Variants in UBE3B observed in about 807,000 individuals in gnomAD.
The protein encoded by UBE3B is ubiquitin protein ligase E3B.
A neutral mutation model predicts 132.3 loss-of-function variants in UBE3B; 80 were observed. That is an observed-to-expected ratio of 0.60 (90% CI 0.50 to 0.73). UBE3B has a LOEUF of 0.73. Among genes scored for constraint, UBE3B ranks in the 30% least tolerant of loss-of-function variants. The pLI is 0.00. For missense variants in UBE3B, 1,196 were observed against 1,362.5 expected (o/e 0.88, Z 1.92); for synonymous variants, 487 against 520.4 (o/e 0.94, Z 0.87).
At chr12:109,533,688 G>A (rs1326424109) in intron 27 of UBE3B, 130 bp downstream of exon 27, 1 of 966,186 alleles carries the variant, frequency 1.0e-6, no homozygotes, top group Non-Finnish European at 1.6e-6. Context: ...TCAGAGCCAA[G>A]TGAGGAGGGC....
At chr12:109,515,855 T>A (rs1370836470) in intron 18 of UBE3B, among the ~76,000 whole-genome samples, 1 of 152,038 alleles carries the variant, frequency 6.6e-6, no homozygotes, top group Non-Finnish European at 1.5e-5. Flanking sequence ...TTTAGCAGAA[T>A]CTTAAGAATA....
downstream of UBE3B, among the ~76,000 whole-genome samples, chr12:109,541,120 A>G (rs779041350): frequency 6.6e-6 from 1 of 152,236 alleles, no homozygotes; most frequent in African/African-American, 2.4e-5. Context: ...ACCATGTTCC[A>G]GCGTGGTCCA....
chr12:109,482,072 C>A (rs1875552779), intron 2 of UBE3B, among the ~76,000 whole-genome samples: 1 of 152,010 alleles, frequency 6.6e-6, no homozygotes, highest in South Asian at 2.1e-4. Flanking sequence ...ATTTTATTGT[C>A]CTTATTAATA....
At chr12:109,484,998 C>G (rs936096828) in intron 4 of UBE3B, among the ~76,000 whole-genome samples, 1 of 152,080 alleles carries the variant, frequency 6.6e-6, no homozygotes, top group Non-Finnish European at 1.5e-5. Flanking sequence ...CTCAAGTGAT[C>G]CACCTGCCTC....
At chr12:109,520,826 C>T in intron 19 of UBE3B, 1 of 220,218 alleles carries the variant, frequency 4.5e-6, no homozygotes, top group Non-Finnish European at 8.9e-6. Flanking sequence ...TGTATCTTGT[C>T]CCGGTTTCTT....
intron 6 of UBE3B, among the ~76,000 whole-genome samples, chr12:109,486,922 G>A (rs576713034): frequency 5.3e-5 from 8 of 152,256 alleles, no homozygotes; most frequent in Admixed American, 2.6e-4. Flanking sequence ...CTAGTATCAC[G>A]TACCAGTTAA....
intron 18 of UBE3B, among the ~76,000 whole-genome samples, chr12:109,512,497 T>C (rs1251967060): frequency 6.6e-6 from 1 of 152,188 alleles, no homozygotes; most frequent in Non-Finnish European, 1.5e-5. Flanking sequence ...AAATGTCCGA[T>C]GCTGCGACAA....
At chr12:109,484,913 T>A (rs926320601) in intron 4 of UBE3B, among the ~76,000 whole-genome samples, 5 of 152,080 alleles carry the variant, frequency 3.3e-5, no homozygotes, top group Admixed American at 2.0e-4. Context: ...TGTGCCACCA[T>A]GCACAGCAAG....
At chr12:109,526,285 C>T (rs554938099) in intron 23 of UBE3B, 73 bp from the exon 24 acceptor site, 4 of 1,407,914 alleles carry the variant, frequency 2.8e-6, no homozygotes, top group Admixed American at 1.7e-5. Context: ...TTGTGCTGGG[C>T]CCTCTCATCT....
At chr12:109,507,521 G>T (rs1011154490) in intron 14 of UBE3B, 43 bp from the exon 15 acceptor site, 1 of 1,587,246 alleles carries the variant, frequency 6.3e-7, no homozygotes, top group African/African-American at 1.4e-5. Context: ...CAGACCAGGT[G>T]GAGTCTCCAC....
intron 19 of UBE3B, chr12:109,520,591 C>T (rs549604804): frequency 1.3e-5 from 2 of 152,604 alleles, no homozygotes; most frequent in African/African-American, 4.8e-5. Flanking sequence ...AGCCCTGTTA[C>T]TCTTTGCCTA....
At chr12:109,486,188 G>A (rs1162808977) in intron 5 of UBE3B, 117 bp downstream of exon 5, 1 of 1,094,038 alleles carries the variant, frequency 9.1e-7, no homozygotes, top group Admixed American at 2.6e-5. Context: ...ATAAGTAGTG[G>A]ATGGAAAACA....
chr12:109,518,832 T>G (rs1268075459), intron 19 of UBE3B, among the ~76,000 whole-genome samples: 1 of 152,204 alleles, frequency 6.6e-6, no homozygotes, highest in Non-Finnish European at 1.5e-5. Flanking sequence ...CTCTTTACTT[T>G]CCACTGGAGA....
At chr12:109,531,365 C>T (rs966993855) in intron 26 of UBE3B, among the ~76,000 whole-genome samples, 2 of 152,178 alleles carry the variant, frequency 1.3e-5, no homozygotes, top group African/African-American at 2.4e-5. Flanking sequence ...ATGGCACACA[C>T]GCTTCTCTGT....
chr12:109,540,294 G>T (rs190520635), downstream of UBE3B, among the ~76,000 whole-genome samples: 101 of 152,200 alleles, frequency 6.6e-4, 1 homozygote, highest in East Asian at 0.019. Context: ...TACAACCTCC[G>T]CCTCCGAGGC....
chr12:109,490,979 C>A, intron 8 of UBE3B, 66 bp from the exon 9 acceptor site: 1 of 1,533,858 alleles, frequency 6.5e-7, no homozygotes, highest in Non-Finnish European at 8.9e-7. Flanking sequence ...TACTTTTTTG[C>A]TCTTTTATGT....
chr12:109,512,512 C>G (rs1239627749), intron 18 of UBE3B, among the ~76,000 whole-genome samples: 2 of 152,210 alleles, frequency 1.3e-5, no homozygotes, highest in South Asian at 2.1e-4. Context: ...CGACAACACT[C>G]AGCTCCTCTT....
chr12:109,531,824 G>A (rs1275145120), intron 26 of UBE3B, among the ~76,000 whole-genome samples: 3 of 152,042 alleles, frequency 2.0e-5, no homozygotes, highest in South Asian at 2.1e-4. Context: ...AACGGCTCAC[G>A]CTGGCCCCTC....
the UBE3B span, among the ~76,000 whole-genome samples, chr12:109,542,696 C>T: frequency 6.6e-6 from 1 of 152,138 alleles, no homozygotes; most frequent in African/African-American, 2.4e-5. Flanking sequence ...ACCTTCAGGC[C>T]AAGGAACGCA....
Sources: gnomAD v4.1 joint callset for allele counts (sites outside exome capture counted in the v4.1 genomes callset) on GRCh38, gnomAD v4.1.1 for gene constraint, MANE v1.5 for transcripts, NCBI Gene and HGNC (gene_info 2026-07-23, HGNC 2026-07-21) for gene names.